Variants in RASAL3 observed in about 807,000 individuals in gnomAD.
The protein encoded by RASAL3 is RAS protein activator like-3.
Under a neutral mutation model 105.5 loss-of-function variants are expected in RASAL3, and 74 were observed. The observed-to-expected ratio is 0.70, with a 90% CI of 0.58 to 0.85. The LOEUF (loss-of-function observed/expected upper bound fraction) is 0.85, where lower values mean the gene tolerates loss of function less well. RASAL3 is among the 40% of genes least tolerant of loss of function. The pLI is 0.00. For synonymous variants in RASAL3, 579 were observed against 591.6 expected, an observed-to-expected ratio of 0.98 and a Z score of 0.31; for missense variants, 1,352 against 1,392.0, an observed-to-expected ratio of 0.97 and a Z score of 0.46.
rs547508371 is a variant in RASAL3, at chr19:15,464,365, G to T, written c.-7C>A. The T allele has an allele frequency of 1.1e-5, 17 of 1,567,478 alleles. No individual in the cohort carries two copies. Among genetic ancestry groups the T allele is most frequent in the Middle Eastern group, 1.9e-4 (1 of 5,394 alleles). On this transcript the variant is annotated 5_prime_UTR_variant, in exon 2 of 18. Coordinates refer to ENST00000343625, the MANE Select transcript of RASAL3 (RefSeq NM_022904.3). ...TTGGCGACGGTGGGTCCATGGTTGGGGGGGGGGGTCTCCTGGGGGACGAGA... is the reference window on the plus strand; with the variant it reads ...TTGGCGACGGTGGGTCCATGGTTGGTGGGGGGGGTCTCCTGGGGGACGAGA...
Position 15,457,464 on chromosome 19 carries a change from C to T in RASAL3, c.1259G>A (p.Arg420Gln). Residue 420 changes from arginine (R) to glutamine (Q), a missense_variant, in exon 9 of 18, where the codon CGG becomes CAG. Coordinates refer to ENST00000343625, the MANE Select transcript of RASAL3 (RefSeq NM_022904.3). This position sits in a 1 kb window ranked among gnomAD's most constrained non-coding sequence, Gnocchi z 8.6. ...PAGAALRARI[R>Q]ARRLRVLPSE... ...CGGCAGCACGCGCAGGCGACGCGCC[C>T]GAATCCGCGCCCGCAGCGCTGCGCC... 1.5e-6 allele frequency: 2 copies of T among 1,368,478 alleles called. No individual in the cohort carries two copies. The highest frequency in any genetic ancestry group is 1.9e-6 in the Non-Finnish European group (2 of 1,061,172). 84.8% of individuals were successfully genotyped at this position (1,368,478 alleles called of 1,614,324 possible).
In RASAL3 at chr19:15,461,364, G is replaced by A. The variant is rs544439903; in HGVS notation, c.466-68C>T. 14 of 1,547,638 alleles carry A rather than the reference G, an allele frequency of 9.0e-6. No individual in the cohort carries two copies. In the African/African-American group the frequency reaches 1.8e-4, roughly 20 times the overall value. On this transcript the variant is annotated intron_variant, in intron 3 of 17. Transcript: ENST00000343625. Reference sequence around the variant, plus strand: ...CAGGCAGGCAGGCAGGCAGACCGAGGGAGAGGCAGACACCTTCCCATTATC... The same window carrying A: ...CAGGCAGGCAGGCAGGCAGACCGAGAGAGAGGCAGACACCTTCCCATTATC...
chr19:15,459,345 A>C (rs1013013173), intron 6 of RASAL3, among the ~76,000 whole-genome samples: 3 of 151,378 alleles, frequency 2.0e-5, no homozygotes, highest in African/African-American at 7.3e-5. Context: ...TCCCAGGTTT[A>C]AGCGATTCTT....
chr19:15,463,952 T>C, intron 2 of RASAL3, 79 bp downstream of exon 2: 1 of 1,309,458 alleles, frequency 7.6e-7, no homozygotes, highest in Non-Finnish European at 1.0e-6. Context: ...GTCTGTATGG[T>C]TGATGCTCCG....
chr19:15,461,355 C>T, intron 3 of RASAL3, 59 bp from the exon 4 acceptor site: 1 of 1,565,090 alleles, frequency 6.4e-7, no homozygotes, highest in Non-Finnish European at 8.7e-7. Context: ...GGCAGGCAGG[C>T]AGACCGAGGG....
In RASAL3 at chr19:15,464,384, G is replaced by A. The variant is rs778543416; in HGVS notation, c.-19-7C>T. The A allele has an allele frequency of 4.0e-6, 4 of 995,524 alleles. No homozygotes were observed. The highest frequency in any genetic ancestry group is 6.2e-6 in the Non-Finnish European group (4 of 642,850). 61.7% of individuals were successfully genotyped at this position (995,524 alleles called of 1,614,324 possible). On this transcript the variant is annotated splice_polypyrimidine_tract_variant and splice_region_variant and intron_variant, in intron 1 of 17. Coordinates refer to ENST00000343625, the MANE Select transcript of RASAL3 (RefSeq NM_022904.3). ...GGTTGGGGGGGGGGGTCTCCTGGGG[G>A]ACGAGAGAGTGACAGTAGTGCCCAG...
rs370102998 is a variant in RASAL3 at position 15,452,717 on chromosome 19, C to G, written c.2769G>C (p.Thr923=). 5.0e-3 allele frequency: 7,784 copies of G among 1,554,804 alleles called. 30 individuals are homozygous for G. The highest frequency in any genetic ancestry group is 6.3e-3 in the Non-Finnish European group (7,198 of 1,148,950). Residue 923 remains threonine, a synonymous_variant, in exon 16 of 18, where the codon ACG becomes ACC. Transcript: ENST00000343625. The stretch of plus-strand genomic sequence containing the variant: ...GGCCCCGCAGCTGCTCCTGCTGCTC[C>G]GTCAAGGCCCGGATTTGGGTGCTCA... The part of the protein sequence containing the change: ...ESLSTQIRAL[T]EQQEQLRGQL...
rs1192328315 is a variant in RASAL3 at position 15,457,616 on chromosome 19, C to T, written c.1107G>A (p.Arg369=). ...CGCTTCCCGGGCCCAAGCCGCGCAG[C>T]CGCAGCGACAGGCGACGTGCCGGTG... ...ALPPARRLSL[R]LRGLGPGSAV... The change falls in exon 9 of 18, where the codon CGG becomes CGA. Residue 369 remains arginine, a synonymous_variant. Coordinates refer to ENST00000343625, the MANE Select transcript of RASAL3 (RefSeq NM_022904.3). The surrounding 1 kb of genome is among the most constrained non-coding windows in gnomAD (Gnocchi z 8.6). 2 of 1,379,654 alleles carry T rather than the reference C, an allele frequency of 1.4e-6. No individual in the cohort carries two copies. Among genetic ancestry groups the T allele is most frequent in the Admixed American group, 3.0e-5 (1 of 33,152 alleles). 85.5% of individuals were successfully genotyped at this position (1,379,654 alleles called of 1,614,324 possible). A position where few individuals can be genotyped will look rare whatever the true frequency, so the allele number is the denominator to read the frequency against.
chr19:15,456,976 C>G lies in RASAL3; in HGVS notation c.1431+316G>C. 1 of 467,696 alleles carries G rather than the reference C, an allele frequency of 2.1e-6. No homozygotes were observed. The highest frequency in any genetic ancestry group is 3.9e-6 in the Non-Finnish European group (1 of 259,198). The allele number at this position is 467,696 out of a possible 1,614,324, so 29.0% of individuals were successfully genotyped here. Reference sequence around the variant, plus strand: ...TAGGCCCCGCCCCTCACAGCTGAAGCTCAGGCCCAGTCCTTCAAGGTGCCC... The same window carrying G: ...TAGGCCCCGCCCCTCACAGCTGAAGGTCAGGCCCAGTCCTTCAAGGTGCCC... On this transcript the variant is annotated intron_variant, in intron 9 of 17. Transcript: ENST00000343625. This position sits in a 1 kb window ranked among gnomAD's most constrained non-coding sequence, Gnocchi z 4.4.
At chr19:15,461,334 G>A (rs370413184) in intron 3 of RASAL3, 38 bp from the exon 4 acceptor site, 11 of 1,528,966 alleles carry the variant, frequency 7.2e-6, no homozygotes, top group Non-Finnish European at 8.1e-6. Flanking sequence ...GAGAGGGGAG[G>A]CAGGCAGGCA....
chr19:15,457,989 G>A lies in RASAL3; in HGVS notation c.889-155C>T. 1.1e-6 allele frequency: 1 copy of A among 879,542 alleles called. No homozygotes were observed. The highest frequency in any genetic ancestry group is 1.7e-6 in the Non-Finnish European group (1 of 583,982). 54.5% of individuals were successfully genotyped at this position (879,542 alleles called of 1,614,324 possible). On this transcript the variant is annotated intron_variant, in intron 8 of 17. Transcript: ENST00000343625. This position sits in a 1 kb window ranked among gnomAD's most constrained non-coding sequence, Gnocchi z 8.6. ...AAAGAAGTGGAGCCACGGGAGTCCG[G>A]AGGCGGTTACGCGGAAGTCTTCTAG...
Position 15,456,151 on chromosome 19 carries a change from A to C in RASAL3, c.1674T>G (p.Leu558=). Residue 558 remains leucine, a synonymous_variant, in exon 11 of 18, where the codon CTT becomes CTG. Transcript: ENST00000343625. The surrounding 1 kb of genome is among the most constrained non-coding windows in gnomAD (Gnocchi z 4.4). ...CGAAGACCTCCTCGCAGCTGTTCCG[A>C]AGTCTGGCCTGGTGCTCTGGCAGCT... The part of the protein sequence containing the change: ...ASELPEHQAR[L]RNSCEEVFET... 6.2e-7 allele frequency: 1 copy of C among 1,613,836 alleles called. No homozygotes were observed. The highest frequency in any genetic ancestry group is 8.5e-7 in the Non-Finnish European group (1 of 1,179,834).
chr19:15,455,876 C>T (rs1277761419), intron 11 of RASAL3, among the ~76,000 whole-genome samples: 4 of 152,136 alleles, frequency 2.6e-5, no homozygotes, highest in Non-Finnish European at 5.9e-5. Flanking sequence ...GCCTTGAACT[C>T]CTGGGCTCAA....
Position 15,460,186 on chromosome 19 carries a change from C to T in RASAL3, c.662+17G>A, listed in dbSNP as rs374093442. ...AGTGTTGAACCCCAGCCCCTCCAGC[C>T]TCTCATACACCCTTACCCATCCCGG... On this transcript the variant is annotated intron_variant, in intron 6 of 17. Transcript: ENST00000343625. 7 of 1,598,956 alleles carry T rather than the reference C, an allele frequency of 4.4e-6. No homozygotes were observed. The African/African-American group carries it at 5.4e-5, about 12-fold the overall frequency.
At chr19:15,460,684 A>G (rs1190056980) in intron 5 of RASAL3, among the ~76,000 whole-genome samples, 2 of 152,060 alleles carry the variant, frequency 1.3e-5, no homozygotes, top group African/African-American at 2.4e-5. Context: ...GCCTGGCCCA[A>G]ACTCCCATTT....
rs1239399334 is a variant in RASAL3, at chr19:15,452,800, A to G, written c.2686T>C (p.Cys896Arg). The G allele has an allele frequency of 6.4e-7, 1 of 1,557,768 alleles. No individual in the cohort carries two copies. Residue 896 changes from cysteine (C) to arginine (R), a missense_variant, in exon 16 of 18, where the codon TGC (cysteine) becomes CGC (arginine). By Grantham distance (180) the Cys-to-Arg change is radical (BLOSUM62 -3). Coordinates refer to ENST00000343625, the MANE Select transcript of RASAL3 (RefSeq NM_022904.3). ...TCCTCACGCAGAGCGGCCACCTCGCACTGCAGCTCTGCCAACTGTGGTGGG... is the reference window on the plus strand; with the variant it reads ...TCCTCACGCAGAGCGGCCACCTCGCGCTGCAGCTCTGCCAACTGTGGTGGG... ...RPVNKLAELQ[C>R]EVAALREEQK...
intron 15 of RASAL3, 65 bp from the exon 16 acceptor site, chr19:15,452,880 G>T: frequency 6.8e-7 from 1 of 1,479,956 alleles, no homozygotes; most frequent in Non-Finnish European, 9.0e-7. Flanking sequence ...CGGAGACCCT[G>T]ACCTCCCAGG....
At position 15,456,568 on chromosome 19, in the gene RASAL3, A is replaced by C. The variant is rs780553165; in HGVS notation, c.1510T>G (p.Leu504Val). The part of the protein sequence containing the change: ...REALLFRENT[L>V]ATKAIDEYMK... Reference sequence around the variant, plus strand: ...TACTCATCGATAGCCTTGGTGGCCAATGTGTTTTCCCGGAACAGCAGCGCC... The same window carrying C: ...TACTCATCGATAGCCTTGGTGGCCACTGTGTTTTCCCGGAACAGCAGCGCC... The change falls in exon 10 of 18, where the codon TTG becomes GTG. Residue 504 changes from leucine (L) to valine (V), a missense_variant. Leu to Val is a conservative substitution (Grantham distance 32). Around this residue, in one of 3 missense-constraint regions of RASAL3, gnomAD observed 920 missense variants for 919.6 expected, o/e 1.00. Transcript: ENST00000343625. This position sits in a 1 kb window ranked among gnomAD's most constrained non-coding sequence, Gnocchi z 4.4. 7.4e-6 allele frequency: 12 copies of C among 1,613,720 alleles called. No individual in the cohort carries two copies. The highest frequency in any genetic ancestry group is 9.3e-6 in the Non-Finnish European group (11 of 1,179,826).
intron 11 of RASAL3, among the ~76,000 whole-genome samples, chr19:15,455,433 G>A (rs1260253156): frequency 1.3e-5 from 2 of 152,172 alleles, no homozygotes; most frequent in Non-Finnish European, 2.9e-5. Context: ...CAGGGATCAT[G>A]GACTTGGGGC....
Sources: gnomAD v4.1 joint callset for allele counts (sites outside exome capture counted in the v4.1 genomes callset) on GRCh38, gnomAD v4.1.1 for gene constraint, gnomAD v4.1.1 regional missense constraint, Gnocchi (gnomAD v3.1) non-coding constraint, MANE v1.5 for transcripts, NCBI Gene and HGNC (gene_info 2026-07-23, HGNC 2026-07-21) for gene names.